RRM1: variants seen among roughly 807,000 people sequenced by gnomAD.
RRM1 encodes ribonucleoside-diphosphate reductase large subunit.
RRM1 carries 19 observed loss-of-function variants against 101.5 expected under a neutral mutation model. The ratio of observed to expected loss-of-function variants is 0.19; its 90% CI spans 0.13 to 0.27. The LOEUF (loss-of-function observed/expected upper bound fraction) is 0.27, where lower values mean the gene tolerates loss of function less well. Ranked by LOEUF, RRM1 falls within the 10% of genes least tolerant of loss-of-function variation. The probability of loss-of-function intolerance (pLI) is 1.00; values close to 1 mark genes in which losing one functional copy is unlikely to be tolerated. For missense variants in RRM1, 500 were observed against 962.9 expected, an observed-to-expected ratio of 0.52 and a Z score of 6.36; for synonymous variants, 298 against 323.4, an observed-to-expected ratio of 0.92 and a Z score of 0.84.
intron 12 of RRM1, 76 bp from the exon 13 acceptor site, chr11:4,126,608 C>A: frequency 1.5e-6 from 2 of 1,356,744 alleles, no homozygotes; most frequent in Non-Finnish European, 2.0e-6. Context: ...GTATTAGAGG[C>A]TCACATGGTG....
At chr11:4,128,621 A>ATT in intron 14 of RRM1, among the ~76,000 whole-genome samples, 1 of 152,282 alleles carries the variant, frequency 6.6e-6, no homozygotes, top group Middle Eastern at 3.4e-3. Context: ...CACTGCCTTT[A>ATT]TTATCAGTAC....
Position 4,109,671 on chromosome 11 carries a change from C to T in RRM1, c.415C>T (p.Arg139Ter), listed in dbSNP as rs2094562863. The change falls in exon 5 of 19, where the codon CGA becomes TGA. Residue 139 changes from arginine to a stop codon, truncating the protein, a stop_gained. Coordinates refer to ENST00000300738, the MANE Select transcript of RRM1 (RefSeq NM_001033.5). LOFTEE classifies it high-confidence loss of function. ...CCTGAATTCTGCTATTATCTATGACCGAGATTTCTCTTACAATTACTTCGG... is the reference window on the plus strand; with the variant it reads ...CCTGAATTCTGCTATTATCTATGACTGAGATTTCTCTTACAATTACTTCGG... ...DRLNSAIIYD[R>*]DFSYNYFGFK... 1 of 1,608,160 alleles carries T rather than the reference C, an allele frequency of 6.2e-7. No homozygotes were observed. The highest frequency in any genetic ancestry group is 8.5e-7 in the Non-Finnish European group (1 of 1,177,050).
chr11:4,131,277 C>T (rs565997471), intron 15 of RRM1, among the ~76,000 whole-genome samples: 17 of 152,186 alleles, frequency 1.1e-4, no homozygotes, highest in African/African-American at 4.1e-4. Flanking sequence ...TGAGGGTAAC[C>T]TCCTCTGTGA....
At chr11:4,129,844 T>C (rs928699219) in intron 15 of RRM1, among the ~76,000 whole-genome samples, 46 of 151,772 alleles carry the variant, frequency 3.0e-4, no homozygotes, top group African/African-American at 1.1e-3. Context: ...TGCCTTAAAA[T>C]TGTTAAATTA....
intron 4 of RRM1, among the ~76,000 whole-genome samples, chr11:4,108,401 A>G (rs2094561084): frequency 6.6e-6 from 1 of 152,072 alleles, no homozygotes; most frequent in African/African-American, 2.4e-5. Context: ...GATCCAGACC[A>G]TCCTGGCTAA....
chr11:4,102,387 G>A (rs926352753), intron 2 of RRM1, among the ~76,000 whole-genome samples: 3 of 152,150 alleles, frequency 2.0e-5, no homozygotes, highest in South Asian at 2.1e-4. Context: ...GCCAGGCGCC[G>A]TGGCTCACGC....
At chr11:4,109,927 G>C (rs573819392) in intron 5 of RRM1, among the ~76,000 whole-genome samples, 147 of 152,266 alleles carry the variant, frequency 9.7e-4, no homozygotes, top group African/African-American at 3.4e-3. Flanking sequence ...TGGATTACCT[G>C]AGGAGTTATG....
intron 7 of RRM1, among the ~76,000 whole-genome samples, chr11:4,114,691 C>T (rs1202283155): frequency 2.0e-5 from 3 of 152,116 alleles, no homozygotes; most frequent in East Asian, 1.9e-4. Flanking sequence ...TGACCACTGT[C>T]GTATGTGTAG....
intron 1 of RRM1, among the ~76,000 whole-genome samples, chr11:4,101,386 C>T (rs2094550667): frequency 6.6e-6 from 1 of 151,676 alleles, no homozygotes; most frequent in Non-Finnish European, 1.5e-5. Context: ...GATCTCAGCT[C>T]ACTGCAACCT....
At chr11:4,117,229 G>A (rs1208856051) in intron 7 of RRM1, among the ~76,000 whole-genome samples, 1 of 152,184 alleles carries the variant, frequency 6.6e-6, no homozygotes, top group Admixed American at 6.5e-5. Flanking sequence ...ATCCACTTTG[G>A]AGAATCTTTA....
chr11:4,115,637 A>C (rs2094571877), intron 7 of RRM1, among the ~76,000 whole-genome samples: 1 of 151,896 alleles, frequency 6.6e-6, no homozygotes, highest in Admixed American at 6.6e-5. Context: ...GCTTACTGCA[A>C]CCTCTGCCTC....
chr11:4,128,473 A>G (rs978218185), intron 14 of RRM1, among the ~76,000 whole-genome samples: 4 of 152,116 alleles, frequency 2.6e-5, no homozygotes, highest in African/African-American at 9.7e-5. Context: ...ATCTGCAGAA[A>G]CCTTTCACCT....
chr11:4,134,276 A>G (rs1026907159), intron 17 of RRM1, among the ~76,000 whole-genome samples: 7 of 152,152 alleles, frequency 4.6e-5, no homozygotes, highest in Non-Finnish European at 7.4e-5. Context: ...CTGGCCTCAG[A>G]CATCAATAAT....
At chr11:4,130,094 T>A (rs1408121355) in intron 15 of RRM1, among the ~76,000 whole-genome samples, 4,682 of 30,836 alleles carry the variant, frequency 0.15, 130 homozygotes, top group East Asian at 0.32. Flanking sequence ...ATATTTTTTT[T>A]TTTTTTTTTT....
intron 1 of RRM1, among the ~76,000 whole-genome samples, chr11:4,098,754 T>A (rs1662177): frequency 0.94 from 143,742 of 152,240 alleles, 67,883 homozygotes; most frequent in Admixed American, 0.96. Context: ...TTGAGTTGAC[T>A]TCTTGGTGTG....
At chr11:4,114,587 A>G (rs2094570156) in intron 7 of RRM1, among the ~76,000 whole-genome samples, 1 of 152,020 alleles carries the variant, frequency 6.6e-6, no homozygotes, top group Admixed American at 6.6e-5. Flanking sequence ...GGCCTAGTAC[A>G]TTACTGACGA....
chr11:4,124,860 A>G (rs901331554), intron 12 of RRM1, among the ~76,000 whole-genome samples: 5 of 150,116 alleles, frequency 3.3e-5, no homozygotes, highest in Admixed American at 2.0e-4. Flanking sequence ...TCTTTTTTTT[A>G]GTATATCTGC....
intron 15 of RRM1, among the ~76,000 whole-genome samples, chr11:4,130,080 ATATATATT>A (rs1260084967): frequency 4.1e-5 from 4 of 96,392 alleles, no homozygotes; most frequent in African/African-American, 1.1e-4. Flanking sequence ...ATATATATAT[ATATATATT>A]TTTTTTTTTT....
intron 12 of RRM1, among the ~76,000 whole-genome samples, chr11:4,124,541 A>G (rs2094586526): frequency 6.6e-6 from 1 of 152,246 alleles, no homozygotes; most frequent in African/African-American, 2.4e-5. Flanking sequence ...GGAAACTTCT[A>G]ATTTAGTTGG....
Sources: allele counts gnomAD v4.1 joint callset (sites outside exome capture counted in the v4.1 genomes callset), GRCh38; gene constraint gnomAD v4.1.1; transcripts MANE v1.5; gene names NCBI Gene and HGNC (gene_info 2026-07-23, HGNC 2026-07-21).